RPS6KA5: variants seen among roughly 807,000 people sequenced by gnomAD.
The protein encoded by RPS6KA5 is ribosomal protein S6 kinase alpha-5.
A neutral mutation model predicts 85.5 loss-of-function variants in RPS6KA5; 27 were observed. That is an observed-to-expected ratio of 0.32 (90% CI 0.23 to 0.44). RPS6KA5 has a LOEUF of 0.44. Among genes scored for constraint, RPS6KA5 ranks in the 20% least tolerant of loss-of-function variants. The pLI, the probability that RPS6KA5 is intolerant of heterozygous loss-of-function variation, is 1.00. For missense variants in RPS6KA5, 811 were observed against 980.9 expected, an observed-to-expected ratio of 0.83 and a Z score of 2.31; for synonymous variants, 334 against 348.2, an observed-to-expected ratio of 0.96 and a Z score of 0.46.
In RPS6KA5 at chr14:90,952,087, C is replaced by T. The variant is rs144761402; in HGVS notation, c.395-4537G>A. On this transcript the variant is annotated intron_variant, in intron 3 of 16. Transcript: ENST00000614987. The stretch of plus-strand genomic sequence containing the variant: ...CCAGGCACCTTGGATTGCTTCTTTA[C>T]GGCAGAGAACATCAGGCATTGCCAC... Among the ~76,000 whole-genome samples the T allele has an allele frequency of 3.0e-3, 455 of 152,284 alleles. 2 individuals are homozygous for T. The highest frequency in any genetic ancestry group is 0.01 in the African/African-American group (429 of 41,554).
chr14:90,913,045 G>A (rs1211931948), intron 7 of RPS6KA5, among the ~76,000 whole-genome samples: 1 of 151,162 alleles, frequency 6.6e-6, no homozygotes, highest in Admixed American at 6.6e-5. Context: ...CGAGTAGCTG[G>A]GATTACAGGC....
At chr14:91,018,158 A>C (rs556073039) in intron 1 of RPS6KA5, among the ~76,000 whole-genome samples, 2 of 152,340 alleles carry the variant, frequency 1.3e-5, no homozygotes, top group East Asian at 3.9e-4. Flanking sequence ...GGCTGAAGGC[A>C]AAGGCATACA....
At chr14:91,045,307 C>T (rs1196910964) in intron 1 of RPS6KA5, among the ~76,000 whole-genome samples, 2 of 145,688 alleles carry the variant, frequency 1.4e-5, no homozygotes, top group Non-Finnish European at 3.0e-5. Flanking sequence ...GTCACCCAGG[C>T]TGGAGTGCAA....
At chr14:90,957,879 T>C (rs975196609) in intron 3 of RPS6KA5, among the ~76,000 whole-genome samples, 84 of 151,866 alleles carry the variant, frequency 5.5e-4, no homozygotes, top group African/African-American at 2.0e-3. Flanking sequence ...TGGTGACTCA[T>C]GCATGAAATC....
At chr14:90,984,183 T>C (rs1306229212) in intron 2 of RPS6KA5, among the ~76,000 whole-genome samples, 1 of 152,220 alleles carries the variant, frequency 6.6e-6, no homozygotes, top group Non-Finnish European at 1.5e-5. Context: ...AGAGGACTAG[T>C]CCTGCAGTGT....
intron 3 of RPS6KA5, among the ~76,000 whole-genome samples, chr14:90,963,812 G>A (rs2038926534): frequency 6.6e-6 from 1 of 152,288 alleles, no homozygotes; most frequent in Middle Eastern, 3.4e-3. Context: ...ACCCAGAGTT[G>A]AGCCAAGTTA....
At chr14:91,027,506 C>T (rs2139821781) in intron 1 of RPS6KA5, among the ~76,000 whole-genome samples, 1 of 152,208 alleles carries the variant, frequency 6.6e-6, no homozygotes, top group South Asian at 2.1e-4. Flanking sequence ...ATTTGCAGCT[C>T]CACAGTCTTA....
In RPS6KA5 at chr14:90,867,195, G is replaced by A. The variant is rs549975804; in HGVS notation, c.*4879C>T. On this transcript the variant is annotated 3_prime_UTR_variant, in exon 17 of 17. Transcript: ENST00000614987. Reference sequence around the variant, plus strand: ...AGAAATGTCAGAAAATAAAGCTACAGTATTCCATAAAACTTAAAATTTCCT... The same window carrying A: ...AGAAATGTCAGAAAATAAAGCTACAATATTCCATAAAACTTAAAATTTCCT... 1.4e-3 allele frequency: 213 copies of A among 152,242 alleles called. 1 individual carries two copies. In the Middle Eastern group the frequency reaches 0.02, roughly 15 times the overall value. 9.4% of individuals were successfully genotyped at this position (152,242 alleles called of 1,614,324 possible). A position where few individuals can be genotyped will look rare whatever the true frequency, so the allele number is the denominator to read the frequency against.
At chr14:90,972,797 C>A (rs1566811166) in intron 3 of RPS6KA5, among the ~76,000 whole-genome samples, 1 of 151,688 alleles carries the variant, frequency 6.6e-6, no homozygotes, top group East Asian at 1.9e-4. Flanking sequence ...TAACCAAACT[C>A]AAAAAAATAC....
At chr14:90,899,476 C>A in intron 11 of RPS6KA5, 54 bp from the exon 12 acceptor site, 1 of 1,175,044 alleles carries the variant, frequency 8.5e-7, no homozygotes, top group Non-Finnish European at 1.3e-6. Flanking sequence ...GTTTTTATAT[C>A]AGTACTGCCC....
intron 1 of RPS6KA5, among the ~76,000 whole-genome samples, chr14:91,026,626 G>C (rs1238611492): frequency 8.5e-5 from 13 of 152,192 alleles, no homozygotes; most frequent in Non-Finnish European, 1.5e-5. Flanking sequence ...ACATACAAGT[G>C]CATGTGTCTA....
intron 2 of RPS6KA5, among the ~76,000 whole-genome samples, chr14:90,979,844 A>G (rs968035300): frequency 6.6e-6 from 1 of 152,218 alleles, no homozygotes; most frequent in Non-Finnish European, 1.5e-5. Flanking sequence ...AACTGGCCCA[A>G]AGACTGAGGC....
At chr14:90,936,812 A>G (rs951215070) in intron 5 of RPS6KA5, among the ~76,000 whole-genome samples, 2 of 152,148 alleles carry the variant, frequency 1.3e-5, no homozygotes, top group African/African-American at 4.8e-5. Context: ...GATTAAATAT[A>G]TTTCCCAGAC....
chr14:91,041,413 A>G (rs377311822), intron 1 of RPS6KA5, among the ~76,000 whole-genome samples: 38 of 152,180 alleles, frequency 2.5e-4, no homozygotes, highest in African/African-American at 8.7e-4. Flanking sequence ...TTTTTCTGCT[A>G]TTTGAGATTA....
At chr14:91,011,258 C>T (rs937644369) in intron 1 of RPS6KA5, among the ~76,000 whole-genome samples, 38 of 152,006 alleles carry the variant, frequency 2.5e-4, no homozygotes, top group Admixed American at 2.3e-3. Flanking sequence ...GAGGCCGAGG[C>T]GGGTGGATCA....
intron 3 of RPS6KA5, among the ~76,000 whole-genome samples, chr14:90,958,253 C>A (rs2038625764): frequency 6.6e-6 from 1 of 152,170 alleles, no homozygotes; most frequent in Non-Finnish European, 1.5e-5. Flanking sequence ...ACAAAAAAGT[C>A]TGCTTGGATT....
At chr14:91,041,552 C>G (rs2042606520) in intron 1 of RPS6KA5, among the ~76,000 whole-genome samples, 1 of 152,172 alleles carries the variant, frequency 6.6e-6, no homozygotes, top group Non-Finnish European at 1.5e-5. Context: ...ATCTTTAACT[C>G]CTGTCTACAG....
At chr14:91,044,731 T>C (rs911315399) in intron 1 of RPS6KA5, among the ~76,000 whole-genome samples, 3 of 151,222 alleles carry the variant, frequency 2.0e-5, no homozygotes, top group Admixed American at 6.6e-5. Context: ...ATTAGCCAGG[T>C]GTGGTGGCAG....
rs755066054 is a variant in RPS6KA5 at position 90,872,127 on chromosome 14, C to G, written c.2356G>C (p.Ala786Pro). 15 of 1,613,328 alleles carry G rather than the reference C, an allele frequency of 9.3e-6. No homozygotes were observed. Among genetic ancestry groups the G allele is most frequent in the Non-Finnish European group, 1.3e-5 (15 of 1,179,836 alleles). The change falls in exon 17 of 17, where the codon GCC (alanine) becomes CCC (proline). Residue 786 changes from alanine (A) to proline (P), a missense_variant. Physicochemically the swap from Ala to Pro is conservative, Grantham distance 27. Coordinates refer to ENST00000614987, the MANE Select transcript of RPS6KA5 (RefSeq NM_004755.4). ...AGGGTCTCCGGGTTATTGCTGTCGG[C>G]AGGATTGCTGGGCTGCAGTGTCTTG... ...PTKTLQPSNPADSNNPETLFQ... is the reference protein window; with the variant it reads ...PTKTLQPSNPPDSNNPETLFQ...
Sources: gnomAD v4.1 joint callset for allele counts (sites outside exome capture counted in the v4.1 genomes callset) on GRCh38, gnomAD v4.1.1 for gene constraint, MANE v1.5 for transcripts, NCBI Gene and HGNC (gene_info 2026-07-23, HGNC 2026-07-21) for gene names.